The following TDRD3 variants were observed in gnomAD, a reference collection of about 807,000 sequenced individuals.
TDRD3 encodes the protein tudor domain containing 3.
TDRD3 carries 45 observed loss-of-function variants against 86.7 expected under a neutral mutation model. The ratio of observed to expected loss-of-function variants is 0.52; its 90% CI spans 0.41 to 0.67. The LOEUF (loss-of-function observed/expected upper bound fraction) is 0.67, where lower values mean the gene tolerates loss of function less well. TDRD3 is among the 30% of genes least tolerant of loss of function. The pLI is 0.00. For missense variants in TDRD3, 814 were observed against 889.0 expected (o/e 0.92, Z 1.07); for synonymous variants, 298 against 301.7 (o/e 0.99, Z 0.13).
chr13:60,479,638 A>T lies in TDRD3; in HGVS notation c.496-4137A>T, dbSNP rs191784572. On this transcript the variant is annotated intron_variant, in intron 5 of 13. Coordinates refer to ENST00000377881, the MANE Select transcript of TDRD3 (RefSeq NM_001146070.2). ...TTATTGTGTTTGTCTAAGTCTTTTCATAGGTAAAGAAGAACTTATTTTATA... is the reference window on the plus strand; with the variant it reads ...TTATTGTGTTTGTCTAAGTCTTTTCTTAGGTAAAGAAGAACTTATTTTATA... 3.9e-5 allele frequency among the ~76,000 whole-genome samples: 6 copies of T among 152,288 alleles called. No homozygotes were observed. The East Asian group carries it at 1.2e-3, about 29-fold the overall frequency.
At chr13:60,531,793 A>C (rs141892423) in intron 11 of TDRD3, among the ~76,000 whole-genome samples, 1,685 of 152,300 alleles carry the variant, frequency 0.011, 16 homozygotes, top group Admixed American at 0.019. Context: ...ACTTATCTGC[A>C]GTGTCTAATA....
At chr13:60,518,516 G>T (rs1957219479) in intron 10 of TDRD3, among the ~76,000 whole-genome samples, 1 of 151,942 alleles carries the variant, frequency 6.6e-6, no homozygotes, top group South Asian at 2.1e-4. Flanking sequence ...CTAGAATTGT[G>T]ATTTAAAAAA....
At chr13:60,511,556 C>T (rs1957060822) in intron 10 of TDRD3, among the ~76,000 whole-genome samples, 1 of 152,196 alleles carries the variant, frequency 6.6e-6, no homozygotes, top group Non-Finnish European at 1.5e-5. Context: ...AAGTCAGTGG[C>T]TTAAAACAAT....
At chr13:60,570,900 C>T (rs1227442469) in intron 13 of TDRD3, among the ~76,000 whole-genome samples, 1 of 152,116 alleles carries the variant, frequency 6.6e-6, no homozygotes, top group Non-Finnish European at 1.5e-5. Flanking sequence ...AATTGTAAAC[C>T]ATTACCATAT....
At chr13:60,510,580 CT>C in intron 9 of TDRD3, 49 bp from the exon 10 acceptor site, 1 of 1,460,712 alleles carries the variant, frequency 6.8e-7, no homozygotes, top group Non-Finnish European at 9.1e-7. Flanking sequence ...TATATATTCT[CT>C]TTTTGTTTTT....
intron 5 of TDRD3, among the ~76,000 whole-genome samples, chr13:60,471,026 G>T (rs375802388): frequency 6.6e-6 from 1 of 152,082 alleles, no homozygotes; most frequent in African/African-American, 2.4e-5. Flanking sequence ...AGCTGTTGTT[G>T]TTGTTATTGT....
rs1254934264 is a variant in TDRD3, at chr13:60,567,548, A to G, written c.2142A>G (p.Gln714=). 1.9e-6 allele frequency: 3 copies of G among 1,614,004 alleles called. No homozygotes were observed. Among genetic ancestry groups the G allele is most frequent in the Non-Finnish European group, 8.5e-7 (1 of 1,180,028 alleles). ...AGGAGGAAGAAGGCACCTACGATCA[A>G]ACTCTGGAGTTCCGTAGGGGAGGTG... is the stretch of plus-strand genomic sequence containing the variant. The part of the protein sequence containing the change: ...EAWEEEGTYD[Q]TLEFRRGGDG... Residue 714 remains glutamine (Q), a synonymous_variant, in exon 13 of 14, where the codon CAA becomes CAG. Coordinates refer to ENST00000377881, the MANE Select transcript of TDRD3 (RefSeq NM_001146070.2).
chr13:60,396,456 G>A (rs976966316), upstream of TDRD3: 6 of 152,268 alleles, frequency 3.9e-5, no homozygotes, highest in Admixed American at 6.5e-5. Context: ...CCCACTCAGG[G>A]ACCCACCCTG....
intron 4 of TDRD3, among the ~76,000 whole-genome samples, chr13:60,464,744 T>TA (rs1338112066): frequency 6.6e-6 from 1 of 151,732 alleles, no homozygotes; most frequent in Non-Finnish European, 1.5e-5. Flanking sequence ...ATGTGGGAAC[T>TA]AAAAAAAATT....
At chr13:60,531,662 C>G (rs1030473134) in intron 11 of TDRD3, among the ~76,000 whole-genome samples, 8 of 152,018 alleles carry the variant, frequency 5.3e-5, no homozygotes, top group African/African-American at 1.9e-4. Flanking sequence ...AACAGGCAAC[C>G]CTTACAGAGT....
At chr13:60,398,808 G>A (rs1268646283) in intron 1 of TDRD3, among the ~76,000 whole-genome samples, 1 of 152,192 alleles carries the variant, frequency 6.6e-6, no homozygotes, top group Non-Finnish European at 1.5e-5. Context: ...AAAGATTGTA[G>A]AGTTAAAAAC....
chr13:60,491,100 G>A (rs929928068), intron 7 of TDRD3, among the ~76,000 whole-genome samples: 36 of 132,488 alleles, frequency 2.7e-4, no homozygotes, highest in African/African-American at 1.0e-3. Context: ...GGCAACAAGA[G>A]CAAAACTCCA....
At chr13:60,558,180 T>C (rs1404320571) in intron 12 of TDRD3, among the ~76,000 whole-genome samples, 1 of 152,238 alleles carries the variant, frequency 6.6e-6, no homozygotes, top group Non-Finnish European at 1.5e-5. Flanking sequence ...TGTATCTGTC[T>C]GTATTGTTGC....
intron 3 of TDRD3, among the ~76,000 whole-genome samples, chr13:60,453,007 A>G (rs1955583647): frequency 6.6e-6 from 1 of 151,870 alleles, no homozygotes; most frequent in Non-Finnish European, 1.5e-5. Context: ...TTTTTCTTCT[A>G]CCTGATTTGA....
chr13:60,559,352 T>C (rs1193441015), intron 12 of TDRD3, among the ~76,000 whole-genome samples: 3 of 152,174 alleles, frequency 2.0e-5, no homozygotes, highest in Non-Finnish European at 4.4e-5. Context: ...ATATAGTATC[T>C]CTTAAGGAAA....
intron 3 of TDRD3, among the ~76,000 whole-genome samples, chr13:60,446,197 A>G (rs913257390): frequency 6.6e-6 from 1 of 152,030 alleles, no homozygotes; most frequent in African/African-American, 2.4e-5. Context: ...TTAATAAACT[A>G]ATAGTTTTCT....
At chr13:60,496,931 C>A (rs1184754655) in intron 8 of TDRD3, among the ~76,000 whole-genome samples, 1 of 152,154 alleles carries the variant, frequency 6.6e-6, no homozygotes, top group Non-Finnish European at 1.5e-5. Flanking sequence ...AGGAATGGAA[C>A]CTTGGGCCAT....
intron 1 of TDRD3, among the ~76,000 whole-genome samples, chr13:60,429,256 C>T (rs1371485809): frequency 5.3e-5 from 8 of 151,966 alleles, no homozygotes; most frequent in Admixed American, 3.3e-4. Context: ...TTTTAATGTA[C>T]AGGGAATCGT....
At chr13:60,473,466 G>C (rs1350341527) in intron 5 of TDRD3, among the ~76,000 whole-genome samples, 4 of 152,022 alleles carry the variant, frequency 2.6e-5, no homozygotes, top group Non-Finnish European at 5.9e-5. Flanking sequence ...TATTGTGGGC[G>C]GCAAGCCACC....
Sources: gnomAD v4.1 joint callset for allele counts (sites outside exome capture counted in the v4.1 genomes callset) on GRCh38, gnomAD v4.1.1 for gene constraint, MANE v1.5 for transcripts, NCBI Gene and HGNC (gene_info 2026-07-23, HGNC 2026-07-21) for gene names.